PPP1CA: variants seen among roughly 807,000 people sequenced by gnomAD.
PPP1CA encodes serine/threonine-protein phosphatase PP1-alpha catalytic subunit.
Under a neutral mutation model 38.5 loss-of-function variants are expected in PPP1CA, and 14 were observed. The observed-to-expected ratio is 0.36, with a 90% CI of 0.24 to 0.57. The LOEUF (loss-of-function observed/expected upper bound fraction) is 0.57. Ranked by LOEUF, PPP1CA falls within the 20% of genes least tolerant of loss-of-function variation. The pLI, the probability that PPP1CA is intolerant of heterozygous loss-of-function variation, is 0.80. For synonymous variants in PPP1CA, 200 were observed against 177.3 expected (o/e 1.13, Z -1.02); for missense variants, 277 against 435.2 (o/e 0.64, Z 3.23).
chr11:67,399,744 GGGA>G (rs1239018864), intron 3 of PPP1CA, 79 bp from the exon 4 acceptor site: 15 of 1,213,760 alleles, frequency 1.2e-5, no homozygotes, highest in Non-Finnish European at 1.8e-5. Flanking sequence ...AGCCGTGGCT[GGGA>G]GGAGAGAGTC....
rs767893383 is a variant in PPP1CA at position 67,398,553 on chromosome 11, G to A, written c.975C>T (p.Ser325=). 2.2e-5 allele frequency: 36 copies of A among 1,613,954 alleles called. No individual in the cohort carries two copies. The highest frequency in any genetic ancestry group is 1.6e-4 in the Middle Eastern group (1 of 6,082). ...GCGGGGGCTATTTCTTGGCTTTGGC[G>A]GAATTGCGGGGTGGGGTGATGGGTC... is the stretch of plus-strand genomic sequence containing the variant. ...GGRPITPPRN[S]AKAKK is the part of the protein sequence containing the mutation. The change falls in exon 7 of 7, where the codon TCC becomes TCT. Residue 325 remains serine (S), a synonymous_variant. Coordinates refer to ENST00000376745, the MANE Select transcript of PPP1CA (RefSeq NM_002708.4).
Position 67,399,122 on chromosome 11 carries a change from T to C in PPP1CA, c.565A>G (p.Ile189Val), listed in dbSNP as rs777258366. Reference sequence around the variant, plus strand: ...TCAGGCACATCTGTGGGCCGCATGATCCGCCGAATCTGCTCCATAGACTGC... The same window carrying C: ...TCAGGCACATCTGTGGGCCGCATGACCCGCCGAATCTGCTCCATAGACTGC... The part of the protein sequence containing the change: ...DLQSMEQIRR[I>V]MRPTDVPDQG... Residue 189 changes from isoleucine (I) to valine (V), a missense_variant, in exon 5 of 7, where the codon ATC (isoleucine) becomes GTC (valine). Ile to Val is a conservative substitution (Grantham distance 29). This residue lies in a region of PPP1CA where 180 missense variants were observed against 356.7 expected (regional missense o/e 0.50). Coordinates refer to ENST00000376745, the MANE Select transcript of PPP1CA (RefSeq NM_002708.4). The C allele has an allele frequency of 1.2e-6, 2 of 1,613,462 alleles. No individual in the cohort carries two copies. Among genetic ancestry groups the C allele is most frequent in the East Asian group, 4.5e-5 (2 of 44,874 alleles).
chr11:67,398,288 C>T lies in PPP1CA; in HGVS notation c.*247G>A, dbSNP rs1201492800. On this transcript the variant is annotated 3_prime_UTR_variant, in exon 7 of 7. Coordinates refer to ENST00000376745, the MANE Select transcript of PPP1CA (RefSeq NM_002708.4). The stretch of plus-strand genomic sequence containing the variant: ...GCTGGAGACCCACGACCTGGCCTGC[C>T]GTTGCCCTGAGCTGCAGCCTCGGCC... The T allele has an allele frequency of 4.9e-5, 26 of 536,010 alleles. No individual in the cohort carries two copies. Among genetic ancestry groups the T allele is most frequent in the South Asian group, 2.1e-4 (9 of 42,502 alleles). 33.2% of individuals were successfully genotyped at this position (536,010 alleles called of 1,614,324 possible).
intron 1 of PPP1CA, 82 bp downstream of exon 1, chr11:67,401,646 C>T (rs1305831815): frequency 4.2e-6 from 5 of 1,185,152 alleles, no homozygotes; most frequent in Non-Finnish European, 5.3e-6. Context: ...AAGCTGGCCC[C>T]GGGGGCCCGC....
At position 67,399,667 on chromosome 11, in the gene PPP1CA, T is replaced by C; in HGVS notation, c.419-2A>G. ...GTTTGATGTTGTAGCGTCTCTTGCC[T>C]GCCCAGGGGGAGGTGGCTGTGAGGT... On this transcript the variant is annotated splice_acceptor_variant, in intron 3 of 6. Coordinates refer to ENST00000376745, the MANE Select transcript of PPP1CA (RefSeq NM_002708.4). LOFTEE classifies it high-confidence loss of function. 2 of 1,611,572 alleles carry C rather than the reference T, an allele frequency of 1.2e-6. No individual in the cohort carries two copies. The highest frequency in any genetic ancestry group is 1.7e-6 in the Non-Finnish European group (2 of 1,178,696).
rs1329385283 is a variant in PPP1CA, at chr11:67,399,672, A to AG, written c.419-8dup. 9.3e-6 allele frequency: 15 copies of AG among 1,610,144 alleles called. No individual in the cohort carries two copies. Among genetic ancestry groups the AG allele is most frequent in the Middle Eastern group, 1.7e-4 (1 of 6,052 alleles). On this transcript the variant is annotated splice_region_variant and splice_polypyrimidine_tract_variant and intron_variant, in intron 3 of 6. Transcript: ENST00000376745. ...ATGTTGTAGCGTCTCTTGCCTGCCC[A>AG]GGGGGAGGTGGCTGTGAGGTGCCTG...
At chr11:67,400,632 G>A in intron 3 of PPP1CA, 57 bp downstream of exon 3, 2 of 1,513,602 alleles carry the variant, frequency 1.3e-6, no homozygotes, top group African/African-American at 1.4e-5. Context: ...AGGTCCCACT[G>A]AATGGCAAAG....
intron 4 of PPP1CA, 115 bp from the exon 5 acceptor site, chr11:67,399,278 GGGC>G: frequency 9.9e-7 from 1 of 1,007,776 alleles, no homozygotes; most frequent in East Asian, 2.6e-5. Flanking sequence ...CTGGTCTCCT[GGGC>G]GCCTAGACAG....
chr11:67,401,007 G>A, intron 2 of PPP1CA, 61 bp downstream of exon 2: 2 of 1,609,224 alleles, frequency 1.2e-6, no homozygotes, highest in Non-Finnish European at 1.7e-6. Context: ...AGGGCTCCAG[G>A]AACTCTGTGG....
intron 6 of PPP1CA, 29 bp from the exon 7 acceptor site, chr11:67,398,674 T>C (rs1396077371): frequency 8.7e-6 from 14 of 1,613,514 alleles, no homozygotes; most frequent in Non-Finnish European, 1.2e-5. Flanking sequence ...GTCAGGCTCA[T>C]GGGGCTGAGC....
chr11:67,400,216 G>A (rs568679782), intron 3 of PPP1CA, among the ~76,000 whole-genome samples: 188 of 152,316 alleles, frequency 1.2e-3, no homozygotes, highest in African/African-American at 4.4e-3. Flanking sequence ...CTGTAACTTG[G>A]AGCTTCTGGG....
At chr11:67,399,291 G>A in intron 4 of PPP1CA, 128 bp from the exon 5 acceptor site, 1 of 888,406 alleles carries the variant, frequency 1.1e-6, no homozygotes, top group South Asian at 1.6e-5. Context: ...CGCCTAGACA[G>A]GCAGAAGTCA....
At chr11:67,400,340 C>T (rs1862856695) in intron 3 of PPP1CA, among the ~76,000 whole-genome samples, 1 of 152,222 alleles carries the variant, frequency 6.6e-6, no homozygotes, top group Admixed American at 6.5e-5. Flanking sequence ...TCCTCGCATG[C>T]CCCCACCCAT....
chr11:67,399,897 A>C (rs1284118320), intron 3 of PPP1CA, among the ~76,000 whole-genome samples: 1 of 152,200 alleles, frequency 6.6e-6, no homozygotes, highest in Non-Finnish European at 1.5e-5. Context: ...GCACTTTGGG[A>C]GGCCGAGGCG....
chr11:67,401,823 C>G lies in PPP1CA; in HGVS notation c.-41G>C, dbSNP rs1256932072. 8.7e-6 allele frequency: 12 copies of G among 1,383,380 alleles called. No homozygotes were observed. Among genetic ancestry groups the G allele is most frequent in the Non-Finnish European group, 1.1e-5 (12 of 1,057,192 alleles). The allele number at this position is 1,383,380 out of a possible 1,614,324, so 85.7% of individuals were successfully genotyped here. A position where few individuals can be genotyped will look rare whatever the true frequency, so the allele number is the denominator to read the frequency against. On this transcript the variant is annotated 5_prime_UTR_variant, in exon 1 of 7. Transcript: ENST00000376745. Reference sequence around the variant, plus strand: ...CCAGCCCAGCAGCTCCTGGCCCGCTCCTGCCTCCCGCCCTCCGGCAGCCTC... The same window carrying G: ...CCAGCCCAGCAGCTCCTGGCCCGCTGCTGCCTCCCGCCCTCCGGCAGCCTC...
rs1382344598 is a variant in PPP1CA, at chr11:67,399,748, GGA to G, written c.419-85_419-84del. 26 of 1,169,610 alleles carry G rather than the reference GGA, an allele frequency of 2.2e-5. No individual in the cohort carries two copies. The South Asian group carries it at 2.3e-4, about 11-fold the overall frequency. 72.5% of individuals were successfully genotyped at this position (1,169,610 alleles called of 1,614,324 possible). ...CTGGGCTATTCAGCCGTGGCTGGGAGGAGAGAGTCAGGCACCGATGCAAACCA... is the reference window on the plus strand; with the variant it reads ...CTGGGCTATTCAGCCGTGGCTGGGAGGAGAGTCAGGCACCGATGCAAACCA... On this transcript the variant is annotated intron_variant, in intron 3 of 6. Transcript: ENST00000376745.
chr11:67,399,802 T>C, intron 3 of PPP1CA, 137 bp from the exon 4 acceptor site: 1 of 665,394 alleles, frequency 1.5e-6, no homozygotes. Flanking sequence ...CCTGTCAGCC[T>C]TCCAGGAGCA....
In PPP1CA at chr11:67,401,488, C is replaced by G. The variant is rs1044731990; in HGVS notation, c.55+240G>C. ...CCGGGCTTCCCGGGTTTCTCCCTCGCCCCAAGAGCCCAGGCAACCCGTGCG... is the reference window on the plus strand; with the variant it reads ...CCGGGCTTCCCGGGTTTCTCCCTCGGCCCAAGAGCCCAGGCAACCCGTGCG... On this transcript the variant is annotated intron_variant, in intron 1 of 6. Transcript: ENST00000376745. 11 of 584,508 alleles carry G rather than the reference C, an allele frequency of 1.9e-5. No homozygotes were observed. In the Admixed American group the frequency reaches 3.3e-4, roughly 17 times the overall value. 36.2% of individuals were successfully genotyped at this position (584,508 alleles called of 1,614,324 possible).
Position 67,398,373 on chromosome 11 carries a change from CGCT to C in PPP1CA, c.*159_*161del, listed in dbSNP as rs895261585. The C allele has an allele frequency of 5.6e-6, 4 of 711,548 alleles. No individual in the cohort carries two copies. The highest frequency in any genetic ancestry group is 5.4e-5 in the African/African-American group (3 of 55,738). The allele number at this position is 711,548 out of a possible 1,614,324, so 44.1% of individuals were successfully genotyped here. On this transcript the variant is annotated 3_prime_UTR_variant, in exon 7 of 7. Transcript: ENST00000376745. Reference sequence around the variant, plus strand: ...CAGGAAGCAGCCCTGGGGGACTGGACGCTGCTATTGATTCATTAAAAAAAGAAA... The same window carrying C: ...CAGGAAGCAGCCCTGGGGGACTGGACGCTATTGATTCATTAAAAAAAGAAA...
Sources: allele counts gnomAD v4.1 joint callset (sites outside exome capture counted in the v4.1 genomes callset), GRCh38; gene constraint gnomAD v4.1.1; regional missense constraint gnomAD v4.1.1; transcripts MANE v1.5; gene names NCBI Gene and HGNC (gene_info 2026-07-23, HGNC 2026-07-21).